Variants in SMYD3 observed in about 807,000 individuals in gnomAD.
SMYD3 encodes histone-lysine N-methyltransferase SMYD3.
SMYD3 carries 36 observed loss-of-function variants against 57.7 expected under a neutral mutation model. That is an observed-to-expected ratio of 0.62 (90% CI 0.48 to 0.82). The LOEUF is 0.82. SMYD3 is among the 40% of genes least tolerant of loss of function. The pLI, the probability that SMYD3 is intolerant of heterozygous loss-of-function variation, is 0.00. For missense variants in SMYD3, 515 were observed against 538.8 expected (o/e 0.96, Z 0.44); for synonymous variants, 211 against 195.0 (o/e 1.08, Z -0.68).
intron 10 of SMYD3, among the ~76,000 whole-genome samples, chr1:245,766,543 A>G (rs984461773): frequency 3.9e-5 from 6 of 152,144 alleles, no homozygotes; most frequent in African/African-American, 1.2e-4. Flanking sequence ...CGAAATGAAC[A>G]TCATTATCTA....
chr1:245,891,190 C>T (rs1240294506), intron 8 of SMYD3, among the ~76,000 whole-genome samples: 1 of 152,122 alleles, frequency 6.6e-6, no homozygotes, highest in African/African-American at 2.4e-5. Context: ...CAATAATTTA[C>T]TGTACATTTA....
intron 5 of SMYD3, among the ~76,000 whole-genome samples, chr1:246,079,425 T>C (rs2060600818): frequency 6.6e-6 from 1 of 152,244 alleles, no homozygotes; most frequent in Non-Finnish European, 1.5e-5. Flanking sequence ...CTTGGTGGTG[T>C]GAATTAGAAA....
rs2047374530 is a variant in SMYD3, at chr1:245,793,235, G to GA, written c.1077-29087_1077-29086insT. The stretch of plus-strand genomic sequence containing the variant: ...GAGGCAGGAGAATCGCTTGAACCCA[G>GA]GAGACGGAGCTTGAAGTGAGCCGAG... On this transcript the variant is annotated intron_variant, in intron 10 of 11. Transcript: ENST00000490107. Among the ~76,000 whole-genome samples, 13 of 152,062 alleles carry GA rather than the reference G, an allele frequency of 8.5e-5. No homozygotes were observed. The South Asian group carries it at 2.3e-3, about 27-fold the overall frequency.
At chr1:245,859,274 A>G (rs983642408) in intron 9 of SMYD3, among the ~76,000 whole-genome samples, 2 of 152,178 alleles carry the variant, frequency 1.3e-5, no homozygotes, top group African/African-American at 4.8e-5. Flanking sequence ...GCCTGTACTT[A>G]ACCAAATACA....
intron 5 of SMYD3, among the ~76,000 whole-genome samples, chr1:246,102,501 A>G (rs1558230085): frequency 6.6e-6 from 1 of 152,124 alleles, no homozygotes; most frequent in South Asian, 2.1e-4. Flanking sequence ...CTCACATGCC[A>G]TATAGAACCC....
intron 2 of SMYD3, among the ~76,000 whole-genome samples, chr1:246,348,060 T>TATATATATATATATATATATATATATATA (rs1173574600): frequency 6.0e-5 from 5 of 83,010 alleles, no homozygotes; most frequent in East Asian, 2.5e-4. Flanking sequence ...AAAGAAAACG[T>TATATATATATATATATATATATATATATA]TATATATATA....
chr1:246,225,938 T>C (rs1274046988), intron 5 of SMYD3, among the ~76,000 whole-genome samples: 1 of 152,224 alleles, frequency 6.6e-6, no homozygotes, highest in Non-Finnish European at 1.5e-5. Context: ...TAACTGGAAA[T>C]GGTGGAAACT....
At chr1:246,133,751 G>A (rs2061623859) in intron 5 of SMYD3, among the ~76,000 whole-genome samples, 1 of 152,028 alleles carries the variant, frequency 6.6e-6, no homozygotes, top group Admixed American at 6.6e-5. Context: ...ATGTGCAAGC[G>A]AGCTGAATGC....
chr1:246,275,246 C>T (rs960355871), intron 5 of SMYD3, among the ~76,000 whole-genome samples: 2 of 152,224 alleles, frequency 1.3e-5, no homozygotes, highest in South Asian at 2.1e-4. Context: ...TAACAATAGA[C>T]AAGACATGAT....
rs144305483 is a variant in SMYD3, at chr1:246,348,071, T to TACACACAC, written c.228+6959_228+6960insGTGTGTGT. 9.1e-5 allele frequency among the ~76,000 whole-genome samples: 11 copies of TACACACAC among 120,816 alleles called. 1 individual carries two copies. The highest frequency in any genetic ancestry group is 2.7e-4 in the African/African-American group (9 of 33,108). The allele number at this position is 120,816 out of a possible 152,430, so 79.3% of individuals were successfully genotyped here. On this transcript the variant is annotated intron_variant, in intron 2 of 11. Transcript: ENST00000490107. ...GAATAAAGAAAACGTTATATATATA[T>TACACACAC]ATATATACACACACACCATCAAATA...
At chr1:246,449,571 C>T (rs1359145420) in intron 1 of SMYD3, among the ~76,000 whole-genome samples, 1 of 152,116 alleles carries the variant, frequency 6.6e-6, no homozygotes, top group Admixed American at 6.5e-5. Flanking sequence ...TCTCTTTGAA[C>T]GTGAGACCTG....
intron 5 of SMYD3, among the ~76,000 whole-genome samples, chr1:246,087,660 T>C (rs995243396): frequency 5.9e-5 from 9 of 152,216 alleles, no homozygotes; most frequent in Non-Finnish European, 1.0e-4. Flanking sequence ...CAACTCTACG[T>C]GCAATAACGG....
Position 246,507,275 on chromosome 1 carries a change from G to C in SMYD3, c.-58C>G, listed in dbSNP as rs1046188554. The C allele has an allele frequency of 4.9e-6, 7 of 1,430,686 alleles. No homozygotes were observed. The highest frequency in any genetic ancestry group is 4.5e-5 in the African/African-American group (3 of 66,962). 88.6% of individuals were successfully genotyped at this position (1,430,686 alleles called of 1,614,324 possible). ...CCGCGTCCAGCAGCGGGCGTCTCAC[G>C]GGCTGCCGGGACCCGCGCGCCTGCG... On this transcript the variant is annotated 5_prime_UTR_variant, in exon 1 of 12. Transcript: ENST00000490107.
At chr1:245,929,965 T>C (rs752941370) in intron 5 of SMYD3, 28 bp from the exon 6 acceptor site, 17 of 1,593,054 alleles carry the variant, frequency 1.1e-5, no homozygotes, top group Non-Finnish European at 1.4e-5. Context: ...ACCATCAGTA[T>C]TACTAGAGTC....
At chr1:246,447,748 C>T (rs1287186944) in intron 1 of SMYD3, among the ~76,000 whole-genome samples, 1 of 152,158 alleles carries the variant, frequency 6.6e-6, no homozygotes, top group Non-Finnish European at 1.5e-5. Flanking sequence ...AGAAGCAGCC[C>T]CATCTCCTCT....
intron 1 of SMYD3, among the ~76,000 whole-genome samples, chr1:246,464,708 A>T (rs2067857280): frequency 6.6e-6 from 1 of 152,150 alleles, no homozygotes; most frequent in African/African-American, 2.4e-5. Flanking sequence ...GCATCCTCTA[A>T]ATTCTCAGTT....
intron 10 of SMYD3, among the ~76,000 whole-genome samples, chr1:245,807,262 T>C (rs148324851): frequency 6.6e-6 from 1 of 152,162 alleles, no homozygotes; most frequent in East Asian, 1.9e-4. Context: ...TCTGGGGCCA[T>C]CAGCCTCAGG....
chr1:246,097,451 G>A (rs2060935869), intron 5 of SMYD3, among the ~76,000 whole-genome samples: 1 of 152,072 alleles, frequency 6.6e-6, no homozygotes. Flanking sequence ...AGGCCAAAAT[G>A]TTTTCCATGT....
At chr1:245,864,360 C>T (rs1469365489) in intron 8 of SMYD3, among the ~76,000 whole-genome samples, 1 of 152,226 alleles carries the variant, frequency 6.6e-6, no homozygotes, top group Non-Finnish European at 1.5e-5. Context: ...AAACAACTCA[C>T]ACGTCTATCA....
Sources: gnomAD v4.1 joint callset for allele counts (sites outside exome capture counted in the v4.1 genomes callset) on GRCh38, gnomAD v4.1.1 for gene constraint, MANE v1.5 for transcripts, NCBI Gene and HGNC (gene_info 2026-07-23, HGNC 2026-07-21) for gene names.